Variants in UACA observed in about 807,000 individuals in gnomAD.
UACA encodes the protein nuclear membrane binding protein.
A neutral mutation model predicts 160.5 loss-of-function variants in UACA; 112 were observed. The ratio of observed to expected loss-of-function variants is 0.70; its 90% CI spans 0.60 to 0.82. The LOEUF (loss-of-function observed/expected upper bound fraction) is 0.82, where lower values mean the gene tolerates loss of function less well. Among genes scored for constraint, UACA ranks in the 40% least tolerant of loss-of-function variants. UACA has a pLI of 0.00. For synonymous variants in UACA, 557 were observed against 568.4 expected (o/e 0.98, Z 0.29); for missense variants, 1,574 against 1,614.6 (o/e 0.97, Z 0.43).
At chr15:70,764,691 G>A (rs539848642), upstream of UACA, among the ~76,000 whole-genome samples, 4 of 152,288 alleles carry the variant, frequency 2.6e-5, no homozygotes, top group East Asian at 7.7e-4. Flanking sequence ...CAAAGACTGT[G>A]TTAACCCTAT....
rs1595922022 is a variant in UACA, at chr15:70,747,856, A to T, written c.78+15474T>A. 1.1e-4 allele frequency among the ~76,000 whole-genome samples: 16 copies of T among 152,296 alleles called. No individual in the cohort carries two copies. The South Asian group carries it at 3.3e-3, about 32-fold the overall frequency. ...AAATTTCTTTTTATTTATATAGAAA[A>T]AAATAAAATAGAATAATTTATGTCC... On this transcript the variant is annotated intron_variant, in intron 1 of 18. Coordinates refer to ENST00000322954, the MANE Select transcript of UACA (RefSeq NM_018003.4).
intron 1 of UACA, chr15:70,703,214 C>A: frequency 7.8e-7 from 1 of 1,288,782 alleles, no homozygotes; most frequent in Non-Finnish European, 1.0e-6. Flanking sequence ...GTTCTCATTA[C>A]CACAATAGCA....
At chr15:70,741,719 A>AAC (rs1899542425) in intron 1 of UACA, among the ~76,000 whole-genome samples, 1 of 152,230 alleles carries the variant, frequency 6.6e-6, no homozygotes, top group African/African-American at 2.4e-5. Flanking sequence ...TTAAAACGTT[A>AAC]GTTTTAATAA....
At chr15:70,773,627 A>G in the UACA span, among the ~76,000 whole-genome samples, 1 of 152,214 alleles carries the variant, frequency 6.6e-6, no homozygotes, top group African/African-American at 2.4e-5. Flanking sequence ...GCAGGTACAG[A>G]TAAGTGTACG....
intron 1 of UACA, among the ~76,000 whole-genome samples, chr15:70,751,171 A>T (rs2030030474): frequency 6.6e-6 from 1 of 152,050 alleles, no homozygotes; most frequent in African/African-American, 2.4e-5. Context: ...TTATTACCTT[A>T]TATTATCTGC....
At chr15:70,729,406 C>T (rs536790712) in intron 1 of UACA, among the ~76,000 whole-genome samples, 1 of 152,230 alleles carries the variant, frequency 6.6e-6, no homozygotes, top group Admixed American at 6.5e-5. Flanking sequence ...CAATCAGAGG[C>T]CACTATCCCA....
intron 1 of UACA, among the ~76,000 whole-genome samples, chr15:70,761,694 T>C (rs1290242929): frequency 1.3e-5 from 2 of 152,262 alleles, no homozygotes; most frequent in Non-Finnish European, 2.9e-5. Context: ...GTTAATATCA[T>C]GTTTATCTTT....
intron 1 of UACA, among the ~76,000 whole-genome samples, chr15:70,743,069 G>A (rs941493412): frequency 6.6e-6 from 1 of 152,062 alleles, no homozygotes; most frequent in African/African-American, 2.4e-5. Flanking sequence ...TTAAGGTATA[G>A]GACTGAGGTC....
chr15:70,750,140 T>C (rs1195051328), intron 1 of UACA, among the ~76,000 whole-genome samples: 1 of 152,198 alleles, frequency 6.6e-6, no homozygotes, highest in Non-Finnish European at 1.5e-5. Flanking sequence ...TCCAGCATTG[T>C]AATGATGCAG....
chr15:70,684,347 A>C lies in UACA; in HGVS notation c.702T>G (p.His234Gln), dbSNP rs1897628418. The C allele has an allele frequency of 2.5e-6, 4 of 1,613,884 alleles. No individual in the cohort carries two copies. In the East Asian group the frequency reaches 6.7e-5, roughly 27 times the overall value. ...CAATTCTTGCATAGTAAGAACTATC[A>C]TGGCCAAGCGCATCCAGCAAGCTTA... ...ADISLLDALG[H>Q]DSSYYARIGD... Residue 234 changes from histidine to glutamine, a missense_variant, in exon 8 of 19, where the codon CAT becomes CAG. His to Gln is a conservative substitution (Grantham distance 24). Transcript: ENST00000322954.
chr15:70,690,407 C>T, intron 5 of UACA, 47 bp downstream of exon 5: 2 of 1,531,908 alleles, frequency 1.3e-6, no homozygotes, highest in Non-Finnish European at 1.8e-6. Context: ...ATTCAAATGA[C>T]TAGACATTTT....
At chr15:70,683,971 C>CAA (rs774850410) in intron 8 of UACA, among the ~76,000 whole-genome samples, 8 of 128,996 alleles carry the variant, frequency 6.2e-5, no homozygotes, top group Admixed American at 1.6e-4. Context: ...CCCTCTTCAT[C>CAA]AAAAAAAAAA....
chr15:70,752,947 TACG>T (rs1354149630), intron 1 of UACA, among the ~76,000 whole-genome samples: 2 of 152,198 alleles, frequency 1.3e-5, no homozygotes, highest in African/African-American at 4.8e-5. Context: ...GAGGCTTTTA[TACG>T]ACAAGTTACA....
chr15:70,699,482 A>G, intron 2 of UACA, 45 bp downstream of exon 2: 1 of 1,598,384 alleles, frequency 6.3e-7, no homozygotes, highest in Non-Finnish European at 8.5e-7. Flanking sequence ...TCCCAAGACT[A>G]TCCAAATTCC....
intron 1 of UACA, among the ~76,000 whole-genome samples, chr15:70,752,422 G>A (rs28666857): frequency 0.027 from 4,045 of 152,038 alleles, 203 homozygotes; most frequent in African/African-American, 0.092. Context: ...CTGCTAATGC[G>A]AAAACCATAT....
At position 70,763,434 on chromosome 15, in the gene UACA, G is replaced by C. The variant is rs546262876; in HGVS notation, c.-27C>G. On this transcript the variant is annotated 5_prime_UTR_variant, in exon 1 of 19. Coordinates refer to ENST00000322954, the MANE Select transcript of UACA (RefSeq NM_018003.4). Reference sequence around the variant, plus strand: ...GCTAACTCTTGCCTGGCCCCCGCGCGAACCTTAAAGGCTGCGGAGTGCCAG... The same window carrying C: ...GCTAACTCTTGCCTGGCCCCCGCGCCAACCTTAAAGGCTGCGGAGTGCCAG... 1 of 1,291,536 alleles carries C rather than the reference G, an allele frequency of 7.7e-7. No individual in the cohort carries two copies. The highest frequency in any genetic ancestry group is 3.2e-5 in the East Asian group (1 of 31,716). The allele number at this position is 1,291,536 out of a possible 1,614,324, so 80.0% of individuals were successfully genotyped here.
intron 17 of UACA, 166 bp from the exon 18 acceptor site, chr15:70,660,382 T>TA (rs1218481126): frequency 1.1e-5 from 6 of 546,536 alleles, no homozygotes; most frequent in Non-Finnish European, 1.6e-5. Context: ...TTTCAAAACG[T>TA]AACAATATAA....
chr15:70,743,561 T>C (rs1899604171), intron 1 of UACA, among the ~76,000 whole-genome samples: 1 of 152,188 alleles, frequency 6.6e-6, no homozygotes, highest in Non-Finnish European at 1.5e-5. Flanking sequence ...ATTCTAAAAA[T>C]CTAACATGTA....
At chr15:70,660,509 C>A (rs1318030950) in intron 17 of UACA, 7 of 335,338 alleles carry the variant, frequency 2.1e-5, no homozygotes, top group Non-Finnish European at 2.7e-5. Flanking sequence ...TATCACATGT[C>A]TGGATTATTG....
Sources: allele counts gnomAD v4.1 joint callset (sites outside exome capture counted in the v4.1 genomes callset), GRCh38; gene constraint gnomAD v4.1.1; transcripts MANE v1.5; gene names NCBI Gene and HGNC (gene_info 2026-07-23, HGNC 2026-07-21).